Variants in PLEKHG6 observed in about 807,000 individuals in gnomAD.
PLEKHG6 encodes pleckstrin homology and RhoGEF domain containing G6.
In PLEKHG6, 91 loss-of-function variants were observed where a neutral mutation model predicts 97.5. The ratio of observed to expected loss-of-function variants is 0.93; its 90% CI spans 0.79 to 1.11. The LOEUF (loss-of-function observed/expected upper bound fraction) is 1.11. Ranked by LOEUF, PLEKHG6 falls within the 50% of genes most tolerant of loss-of-function variation. The probability of loss-of-function intolerance (pLI) is 0.00; values close to 1 mark genes in which losing one functional copy is unlikely to be tolerated. For synonymous variants in PLEKHG6, 466 were observed against 425.5 expected (o/e 1.10, Z -1.17); for missense variants, 1,044 against 1,031.0 (o/e 1.01, Z -0.17).
chr12:6,318,362 A>G lies in PLEKHG6; in HGVS notation c.1217A>G (p.His406Arg), dbSNP rs760479697. 18 of 1,613,478 alleles carry G rather than the reference A, an allele frequency of 1.1e-5. No individual in the cohort carries two copies. The highest frequency in any genetic ancestry group is 1.4e-5 in the Non-Finnish European group (17 of 1,179,804). Residue 406 changes from histidine (H) to arginine (R), a missense_variant, in exon 11 of 16, where the codon CAC becomes CGC. By Grantham distance (29) the His-to-Arg change is conservative. Coordinates refer to ENST00000684764, the MANE Select transcript of PLEKHG6 (RefSeq NM_001384598.1). ...TSPMLGVASE[H>R]TRQLLLEGPV... ...CCCATGCTGGGGGTTGCATCTGAGC[A>G]CACCAGACAGCTGCTGCTGGAGGGG...
intron 13 of PLEKHG6, among the ~76,000 whole-genome samples, chr12:6,323,262 C>T (rs1005005445): frequency 2.6e-5 from 4 of 152,230 alleles, no homozygotes; most frequent in African/African-American, 7.2e-5. Flanking sequence ...ACCAAGGCTC[C>T]CTGGCCTTCC....
chr12:6,326,705 G>A, intron 14 of PLEKHG6, 132 bp downstream of exon 14: 1 of 842,760 alleles, frequency 1.2e-6, no homozygotes, highest in Non-Finnish European at 1.7e-6. Context: ...GCAGGGTAGG[G>A]AAGCTCGGTA....
intron 3 of PLEKHG6, among the ~76,000 whole-genome samples, chr12:6,314,504 T>A (rs1055971005): frequency 2.6e-5 from 4 of 151,072 alleles, no homozygotes; most frequent in African/African-American, 9.8e-5. Context: ...CAAAACTCTG[T>A]CTCAAAAGGA....
At chr12:6,326,139 T>C (rs914623939) in intron 13 of PLEKHG6, among the ~76,000 whole-genome samples, 14 of 151,840 alleles carry the variant, frequency 9.2e-5, no homozygotes, top group Non-Finnish European at 1.8e-4. Context: ...ACCCCATCTC[T>C]ACTAAAAATA....
intron 13 of PLEKHG6, among the ~76,000 whole-genome samples, chr12:6,324,715 G>A (rs79695633): frequency 2.0e-5 from 3 of 152,176 alleles, no homozygotes; most frequent in African/African-American, 7.2e-5. Flanking sequence ...AAAGCAGAAT[G>A]GGAACTATAA....
chr12:6,313,677 T>C lies in PLEKHG6; in HGVS notation c.187T>C (p.Ser63Pro). The change falls in exon 3 of 16, where the codon TCT becomes CCT. Residue 63 changes from serine to proline, a missense_variant. Transcript: ENST00000684764. ...LQQYVPFARG[S>P]GQARGLSPMR... ...GCAGTATGTCCCCTTTGCCAGGGGT[T>C]CTGGCCAGGCCCGAGGCCTGTCACC... 1.2e-6 allele frequency: 2 copies of C among 1,614,048 alleles called. No homozygotes were observed. The highest frequency in any genetic ancestry group is 1.7e-6 in the Non-Finnish European group (2 of 1,179,986).
At chr12:6,324,147 T>G (rs1329113075) in intron 13 of PLEKHG6, among the ~76,000 whole-genome samples, 1 of 152,088 alleles carries the variant, frequency 6.6e-6, no homozygotes, top group Non-Finnish European at 1.5e-5. Flanking sequence ...TCTGCCCCCA[T>G]GTGTCTCTCC....
chr12:6,322,029 C>T (rs879527865), intron 13 of PLEKHG6, among the ~76,000 whole-genome samples: 4 of 152,124 alleles, frequency 2.6e-5, no homozygotes, highest in Non-Finnish European at 5.9e-5. Flanking sequence ...CTACCTGCTT[C>T]CTAGGGAGAT....
In PLEKHG6 at chr12:6,315,617, A is replaced by T. The variant is rs371955124; in HGVS notation, c.523A>T (p.Ile175Phe). The T allele has an allele frequency of 6.3e-7, 1 of 1,589,754 alleles. No homozygotes were observed. Among genetic ancestry groups the T allele is most frequent in the African/African-American group, 1.3e-5 (1 of 74,566 alleles). Reference sequence around the variant, plus strand: ...GTGGGAGCTCCTGACCACCGAGCTGATCTACGTGAGAAAGCTCAAGATCAT... The same window carrying T: ...GTGGGAGCTCCTGACCACCGAGCTGTTCTACGTGAGAAAGCTCAAGATCAT... ...ALWELLTTEL[I>F]YVRKLKIMTD... The change falls in exon 5 of 16, where the codon ATC becomes TTC. Residue 175 changes from isoleucine (I) to phenylalanine (F), a missense_variant. Coordinates refer to ENST00000684764, the MANE Select transcript of PLEKHG6 (RefSeq NM_001384598.1). This position sits in a 1 kb window ranked among gnomAD's most constrained non-coding sequence, Gnocchi z 4.5.
chr12:6,324,416 C>CA (rs1046695147), intron 13 of PLEKHG6, among the ~76,000 whole-genome samples: 1 of 152,126 alleles, frequency 6.6e-6, no homozygotes, highest in Non-Finnish European at 1.5e-5. Context: ...TTTCCCGTAA[C>CA]ATCCCTTCCT....
Position 6,315,510 on chromosome 12 carries a change from C to A in PLEKHG6, c.460-44C>A. On this transcript the variant is annotated intron_variant, in intron 4 of 15. Coordinates refer to ENST00000684764, the MANE Select transcript of PLEKHG6 (RefSeq NM_001384598.1). This position sits in a 1 kb window ranked among gnomAD's most constrained non-coding sequence, Gnocchi z 4.5. ...CACTTAACAGCTGGTACTTGCCATTCTAATTATCATTCCCCAACTGAACCA... is the reference window on the plus strand; with the variant it reads ...CACTTAACAGCTGGTACTTGCCATTATAATTATCATTCCCCAACTGAACCA... The A allele has an allele frequency of 7.9e-7, 1 of 1,265,536 alleles. No homozygotes were observed. Among genetic ancestry groups the A allele is most frequent in the Non-Finnish European group, 1.1e-6 (1 of 901,132 alleles). The allele number at this position is 1,265,536 out of a possible 1,614,324, so 78.4% of individuals were successfully genotyped here.
chr12:6,314,182 A>G (rs1947369273), intron 3 of PLEKHG6, among the ~76,000 whole-genome samples: 1 of 152,064 alleles, frequency 6.6e-6, no homozygotes, highest in East Asian at 1.9e-4. Flanking sequence ...AGGAGTGTCT[A>G]TTGCTCACAT....
At chr12:6,320,940 C>G (rs1367602759) in intron 13 of PLEKHG6, among the ~76,000 whole-genome samples, 1 of 152,116 alleles carries the variant, frequency 6.6e-6, no homozygotes, top group Non-Finnish European at 1.5e-5. Context: ...CCAGATTCTG[C>G]AGAATCTCAG....
At chr12:6,318,062 G>A in intron 10 of PLEKHG6, 68 bp downstream of exon 10, 1 of 1,500,128 alleles carries the variant, frequency 6.7e-7, no homozygotes, top group Non-Finnish European at 9.0e-7. Flanking sequence ...GGGGAGGGCT[G>A]CAAGGCCAGA....
chr12:6,318,813 A>G lies in PLEKHG6; in HGVS notation c.1344A>G (p.Lys448=), dbSNP rs1947588291. The change falls in exon 12 of 16, where the codon AAA becomes AAG. Residue 448 remains lysine (K), a synonymous_variant. Coordinates refer to ENST00000684764, the MANE Select transcript of PLEKHG6 (RefSeq NM_001384598.1). The part of the protein sequence containing the change: ...LVTKPQRKAD[K]AKVIRPPLML... ...CCAAGCCCCAGCGCAAGGCGGACAA[A>G]GCCAAGGTCATCCGACCCCCTCTCA... 6.2e-7 allele frequency: 1 copy of G among 1,614,094 alleles called. No homozygotes were observed. The highest frequency in any genetic ancestry group is 8.5e-7 in the Non-Finnish European group (1 of 1,180,038).
At chr12:6,320,037 T>G (rs990352040) in intron 13 of PLEKHG6, among the ~76,000 whole-genome samples, 1 of 152,132 alleles carries the variant, frequency 6.6e-6, no homozygotes, top group African/African-American at 2.4e-5. Flanking sequence ...GAGCAGAACG[T>G]GCAAAGGCGG....
intron 13 of PLEKHG6, among the ~76,000 whole-genome samples, chr12:6,324,025 A>G (rs1947785614): frequency 6.6e-6 from 1 of 152,016 alleles, no homozygotes; most frequent in Non-Finnish European, 1.5e-5. Context: ...TTTCCTCTCC[A>G]TGGGTACAAA....
intron 2 of PLEKHG6, chr12:6,313,219 C>T: frequency 6.5e-7 from 1 of 1,537,076 alleles, no homozygotes; most frequent in Non-Finnish European, 8.8e-7. Flanking sequence ...GTGAGGGAGG[C>T]TGGTCATAGA....
intron 13 of PLEKHG6, among the ~76,000 whole-genome samples, chr12:6,322,281 C>T (rs1947729517): frequency 1.3e-5 from 2 of 152,186 alleles, no homozygotes; most frequent in Non-Finnish European, 2.9e-5. Flanking sequence ...TAAACAGCAG[C>T]GCTTTGAAAT....
Sources: allele counts gnomAD v4.1 joint callset (sites outside exome capture counted in the v4.1 genomes callset), GRCh38; gene constraint gnomAD v4.1.1; non-coding constraint Gnocchi (gnomAD v3.1); transcripts MANE v1.5; gene names NCBI Gene and HGNC (gene_info 2026-07-23, HGNC 2026-07-21).